The following NRXN1 variants were observed in gnomAD, a reference collection of about 807,000 sequenced individuals.
The protein encoded by NRXN1 is neurexin 1.
NRXN1 carries 39 observed loss-of-function variants against 150.9 expected under a neutral mutation model. The ratio of observed to expected loss-of-function variants is 0.26; its 90% confidence interval spans 0.20 to 0.34. NRXN1 has a LOEUF of 0.34. NRXN1 is among the 10% of genes least tolerant of loss of function. The pLI is 1.00. For synonymous variants in NRXN1, 924 were observed against 757.0 expected (o/e 1.22, Z -3.62); for missense variants, 1,815 against 1,949.9 (o/e 0.93, Z 1.30).
chr2:50,950,210 G>T (rs948915959), intron 2 of NRXN1, among the ~76,000 whole-genome samples: 1 of 152,058 alleles, frequency 6.6e-6, no homozygotes, highest in Non-Finnish European at 1.5e-5. Flanking sequence ...TTTAAAACAT[G>T]TGTCAAGGTA....
At chr2:50,778,446 C>G (rs1703935802) in intron 5 of NRXN1, among the ~76,000 whole-genome samples, 1 of 152,190 alleles carries the variant, frequency 6.6e-6, no homozygotes, top group Non-Finnish European at 1.5e-5. Context: ...AAGGAACACA[C>G]TGTTCGAGAA....
chr2:50,056,706 AC>A lies in NRXN1; in HGVS notation c.3719-1663del, dbSNP rs148524809. Among the ~76,000 whole-genome samples, 774 of 152,246 alleles carry A rather than the reference AC, an allele frequency of 5.1e-3. 7 individuals are homozygous for A. The highest frequency in any genetic ancestry group is 0.018 in the African/African-American group (747 of 41,566). On this transcript the variant is annotated intron_variant, in intron 19 of 22. Transcript: ENST00000401669. ...ATTTTTTTTTAATGTAATATTAGTTACTTTAGGACAGTGTGATTATTGATCA... is the reference window on the plus strand; with the variant it reads ...ATTTTTTTTTAATGTAATATTAGTTATTTAGGACAGTGTGATTATTGATCA...
intron 5 of NRXN1, among the ~76,000 whole-genome samples, chr2:50,876,626 T>A (rs555643165): frequency 1.3e-5 from 2 of 151,922 alleles, no homozygotes; most frequent in East Asian, 3.9e-4. Flanking sequence ...ACGTCTTCTT[T>A]TCACATCTCA....
chr2:50,383,961 T>C (rs1025158032), intron 17 of NRXN1, among the ~76,000 whole-genome samples: 8 of 152,176 alleles, frequency 5.3e-5, no homozygotes, highest in Admixed American at 1.3e-4. Context: ...CGTTTATACA[T>C]GTTGAACTTG....
At position 50,709,368 on chromosome 2, in the gene NRXN1, T is replaced by C. The variant is rs191364398; in HGVS notation, c.833-85753A>G. Among the ~76,000 whole-genome samples the C allele has an allele frequency of 2.6e-3, 390 of 152,230 alleles. 6 individuals carry two copies. Among genetic ancestry groups the C allele is most frequent in the Admixed American group, 0.023 (351 of 15,284 alleles). On this transcript the variant is annotated intron_variant, in intron 5 of 22. Coordinates refer to ENST00000401669, the MANE Select transcript of NRXN1 (RefSeq NM_001330078.2). ...TACCAAAAATTACCAACAATTATGATAAGTACAGTGAAATAGAAATACACA... is the reference window on the plus strand; with the variant it reads ...TACCAAAAATTACCAACAATTATGACAAGTACAGTGAAATAGAAATACACA...
chr2:50,710,189 A>G (rs1487197658), intron 5 of NRXN1, among the ~76,000 whole-genome samples: 1 of 152,196 alleles, frequency 6.6e-6, no homozygotes, highest in Non-Finnish European at 1.5e-5. Context: ...AGGTAATTCA[A>G]CTGTCGACCA....
intron 2 of NRXN1, among the ~76,000 whole-genome samples, chr2:50,945,333 G>C (rs1690173172): frequency 6.6e-6 from 1 of 152,008 alleles, no homozygotes; most frequent in African/African-American, 2.4e-5. Flanking sequence ...GTGTGCTGGT[G>C]CACATCTTTG....
At chr2:49,965,060 G>A (rs1020374632) in intron 21 of NRXN1, among the ~76,000 whole-genome samples, 8 of 151,370 alleles carry the variant, frequency 5.3e-5, no homozygotes, top group Admixed American at 5.3e-4. Flanking sequence ...TTGTATTTTT[G>A]GTAGAGACAG....
intron 17 of NRXN1, among the ~76,000 whole-genome samples, chr2:50,383,803 G>C (rs964866282): frequency 9.2e-5 from 14 of 151,990 alleles, no homozygotes; most frequent in Non-Finnish European, 1.5e-5. Flanking sequence ...AGCCCTAATA[G>C]TTTATGCTGC....
At chr2:50,665,440 T>G (rs1490523037) in intron 5 of NRXN1, among the ~76,000 whole-genome samples, 1 of 151,888 alleles carries the variant, frequency 6.6e-6, no homozygotes, top group Non-Finnish European at 1.5e-5. Context: ...AGAGCCATTT[T>G]TCTGAAATTC....
At chr2:50,209,858 T>TCAGTTGTACTTAAA (rs547398464) in intron 18 of NRXN1, among the ~76,000 whole-genome samples, 1,222 of 80,896 alleles carry the variant, frequency 0.015, 22 homozygotes, top group African/African-American at 0.061. Context: ...TTAAAGCCTC[T>TCAGTTGTACTTAAA]GCAATAATTC....
At chr2:50,560,558 G>C (rs956556423) in intron 8 of NRXN1, among the ~76,000 whole-genome samples, 3 of 151,868 alleles carry the variant, frequency 2.0e-5, no homozygotes, top group African/African-American at 4.8e-5. Context: ...TCAGCCTCTG[G>C]AGTAGCTGGG....
intron 18 of NRXN1, among the ~76,000 whole-genome samples, chr2:50,189,516 AT>A (rs2061320190): frequency 6.6e-6 from 1 of 152,210 alleles, no homozygotes; most frequent in Admixed American, 6.6e-5. Flanking sequence ...AAGTATAATA[AT>A]TAAAAAAGTG....
chr2:50,588,210 CA>C (rs1489663267), intron 8 of NRXN1, among the ~76,000 whole-genome samples: 1 of 152,024 alleles, frequency 6.6e-6, no homozygotes, highest in Non-Finnish European at 1.5e-5. Context: ...TTTAAAAAAC[CA>C]AAAGGCAAAT....
chr2:50,037,152 T>C (rs1002450605), intron 21 of NRXN1, among the ~76,000 whole-genome samples: 1 of 152,190 alleles, frequency 6.6e-6, no homozygotes, highest in Non-Finnish European at 1.5e-5. Flanking sequence ...TTTAAATTAA[T>C]AGATGAAATA....
At chr2:50,654,124 C>T (rs1168108745) in intron 5 of NRXN1, among the ~76,000 whole-genome samples, 2 of 148,850 alleles carry the variant, frequency 1.3e-5, no homozygotes, top group Admixed American at 6.8e-5. Context: ...TGGTGTGCTG[C>T]ACCCATTAAC....
chr2:50,282,524 C>A (rs927696988), intron 17 of NRXN1, among the ~76,000 whole-genome samples: 1 of 151,996 alleles, frequency 6.6e-6, no homozygotes, highest in Non-Finnish European at 1.5e-5. Flanking sequence ...TCCACGGGAC[C>A]AACAGTGAAA....
At chr2:50,000,497 T>C (rs72887870) in intron 21 of NRXN1, among the ~76,000 whole-genome samples, 72,224 of 151,914 alleles carry the variant, frequency 0.48, 17,748 homozygotes, top group Middle Eastern at 0.62. Flanking sequence ...CTAATTAAAT[T>C]AGTGGCCACC....
intron 15 of NRXN1, among the ~76,000 whole-genome samples, chr2:50,477,170 A>C (rs1241356686): frequency 6.6e-6 from 1 of 152,168 alleles, no homozygotes; most frequent in Non-Finnish European, 1.5e-5. Flanking sequence ...AGGAGTTTTC[A>C]GTTATTTATT....
Sources: allele counts gnomAD v4.1 joint callset (sites outside exome capture counted in the v4.1 genomes callset), GRCh38; gene constraint gnomAD v4.1.1; transcripts MANE v1.5; gene names NCBI Gene and HGNC (gene_info 2026-07-23, HGNC 2026-07-21).